MORN1: variants seen among roughly 807,000 people sequenced by gnomAD.
MORN1 encodes the protein MORN repeat-containing protein 1.
A neutral mutation model predicts 61.9 loss-of-function variants in MORN1; 67 were observed. The ratio of observed to expected loss-of-function variants is 1.08; its 90% CI spans 0.89 to 1.33. The LOEUF (loss-of-function observed/expected upper bound fraction) is 1.33, where lower values mean the gene tolerates loss of function less well. Ranked by LOEUF, MORN1 falls within the 40% of genes most tolerant of loss-of-function variation. The probability of loss-of-function intolerance (pLI) is 0.00; values close to 1 mark genes in which losing one functional copy is unlikely to be tolerated. For missense variants in MORN1, 752 were observed against 691.2 expected, an observed-to-expected ratio of 1.09 and a Z score of -0.99; for synonymous variants, 301 against 292.0, an observed-to-expected ratio of 1.03 and a Z score of -0.31.
intron 12 of MORN1, among the ~76,000 whole-genome samples, chr1:2,331,150 A>G (rs1369149165): frequency 6.6e-6 from 1 of 152,086 alleles, no homozygotes; most frequent in African/African-American, 2.4e-5. Flanking sequence ...CCCTCCCACA[A>G]GCTGGGGTTC....
At chr1:2,366,015 G>A (rs1641988905) in intron 8 of MORN1, among the ~76,000 whole-genome samples, 2 of 146,452 alleles carry the variant, frequency 1.4e-5, no homozygotes, top group South Asian at 2.3e-4. Context: ...CTGCTATAAA[G>A]ACACATGCAC....
chr1:2,363,805 C>CAAACAAACA (rs140866260), intron 8 of MORN1, among the ~76,000 whole-genome samples: 2,204 of 124,762 alleles, frequency 0.018, 35 homozygotes, highest in South Asian at 0.075. Context: ...AACAAACAAA[C>CAAACAAACA]AAAAAAATAT....
intron 8 of MORN1, among the ~76,000 whole-genome samples, chr1:2,369,618 A>G (rs1054192182): frequency 6.6e-6 from 1 of 152,176 alleles, no homozygotes; most frequent in Non-Finnish European, 1.5e-5. Context: ...ATATGTAAAA[A>G]TCAATTGTAG....
At position 2,386,026 on chromosome 1, in the gene MORN1, C is replaced by G. The variant is rs985478559; in HGVS notation, c.359-129G>C. On this transcript the variant is annotated intron_variant, in intron 4 of 13. Coordinates refer to ENST00000378531, the MANE Select transcript of MORN1 (RefSeq NM_024848.3). ...AGTCTAGGAGGCATGGGGCTCAGGG[C>G]CCCCCAGGAACATGACAGACCCTCC... 6 of 742,166 alleles carry G rather than the reference C, an allele frequency of 8.1e-6. No homozygotes were observed. In the Admixed American group the frequency reaches 1.2e-4, roughly 15 times the overall value. 46.0% of individuals were successfully genotyped at this position (742,166 alleles called of 1,614,324 possible).
intron 1 of MORN1, among the ~76,000 whole-genome samples, chr1:2,390,229 A>C (rs1053846287): frequency 1.3e-5 from 2 of 152,208 alleles, no homozygotes; most frequent in Non-Finnish European, 2.9e-5. Flanking sequence ...GGTGCAGAGA[A>C]GACAGGCCCA....
rs368058932 is a variant in MORN1, at chr1:2,323,197, C to T, written c.1297+900G>A. 5,158 of 985,386 alleles carry T rather than the reference C, an allele frequency of 5.2e-3. 17 individuals carry two copies. The highest frequency in any genetic ancestry group is 0.013 in the South Asian group (270 of 21,290). 61.0% of individuals were successfully genotyped at this position (985,386 alleles called of 1,614,324 possible). ...TGCTGTGGGACCACGGGGGACACCG[C>T]GTGGCACTCCAGCCGCTCCCGTCAC... On this transcript the variant is annotated intron_variant, in intron 13 of 13. Transcript: ENST00000378531.
chr1:2,371,697 AG>A (rs1642126371), intron 8 of MORN1: 1 of 152,816 alleles, frequency 6.5e-6, no homozygotes, highest in South Asian at 2.0e-4. Flanking sequence ...TGATCACCTG[AG>A]GTCGGGAGTT....
At chr1:2,383,297 C>T (rs1642413213) in intron 6 of MORN1, among the ~76,000 whole-genome samples, 2 of 152,176 alleles carry the variant, frequency 1.3e-5, no homozygotes, top group African/African-American at 4.8e-5. Flanking sequence ...TGTGGAACAC[C>T]CCAGAGTCTG....
chr1:2,330,275 G>A (rs750876465), intron 12 of MORN1, among the ~76,000 whole-genome samples: 4 of 152,194 alleles, frequency 2.6e-5, no homozygotes, highest in Admixed American at 6.5e-5. Context: ...AGCCAACCCC[G>A]ATAGGCCCAG....
At chr1:2,377,049 A>C (rs898693894) in intron 6 of MORN1, 1 of 152,096 alleles carries the variant, frequency 6.6e-6, no homozygotes, top group Admixed American at 6.5e-5. Flanking sequence ...CCCAGCGTGG[A>C]GAGTTACGTG....
chr1:2,336,624 T>TGGGG (rs1641285564), intron 11 of MORN1, 76 bp from the exon 12 acceptor site: 1 of 1,590,488 alleles, frequency 6.3e-7, no homozygotes, highest in African/African-American at 1.3e-5. Flanking sequence ...CCAACCCCCC[T>TGGGG]GGGGCACACA....
chr1:2,323,697 C>T (rs915943004), intron 13 of MORN1: 2 of 985,184 alleles, frequency 2.0e-6, no homozygotes, highest in African/African-American at 3.5e-5. Flanking sequence ...AGCCCAGGCC[C>T]ACCAAGCCCT....
chr1:2,336,998 G>A lies in MORN1; in HGVS notation c.1037-148C>T, dbSNP rs1641294911. ...GCCATCTTGGTGGGGGCAGGTCAGG[G>A]GGCAGGGACTGTCCATCCTGGGTGC... is the stretch of plus-strand genomic sequence containing the variant. On this transcript the variant is annotated intron_variant, in intron 10 of 13. Coordinates refer to ENST00000378531, the MANE Select transcript of MORN1 (RefSeq NM_024848.3). The A allele has an allele frequency of 9.4e-6, 9 of 955,830 alleles. No individual in the cohort carries two copies. The South Asian group carries it at 2.5e-4, about 27-fold the overall frequency. 59.2% of individuals were successfully genotyped at this position (955,830 alleles called of 1,614,324 possible).
chr1:2,358,736 G>T, intron 8 of MORN1, 21 bp from the exon 9 acceptor site: 1 of 1,598,976 alleles, frequency 6.3e-7, no homozygotes, highest in Non-Finnish European at 8.5e-7. Flanking sequence ...AGAGGAGCAG[G>T]CAGTGAACAC....
chr1:2,343,578 C>G (rs1170039052), intron 10 of MORN1, among the ~76,000 whole-genome samples: 1 of 152,166 alleles, frequency 6.6e-6, no homozygotes, highest in Non-Finnish European at 1.5e-5. Context: ...GGCTGCTGTC[C>G]TCAGGGTTCT....
chr1:2,322,744 C>T, intron 13 of MORN1: 10 of 985,462 alleles, frequency 1.0e-5, no homozygotes, highest in Non-Finnish European at 1.1e-5. Context: ...TCCAGCTATA[C>T]CAGTGGTGGC....
At chr1:2,380,270 G>A (rs563681428) in intron 6 of MORN1, among the ~76,000 whole-genome samples, 3 of 152,336 alleles carry the variant, frequency 2.0e-5, no homozygotes, top group South Asian at 2.1e-4. Context: ...GTGGGAAGCT[G>A]ACAAAGTTCT....
intron 12 of MORN1, among the ~76,000 whole-genome samples, chr1:2,328,931 C>A (rs766959893): frequency 6.6e-6 from 1 of 152,202 alleles, no homozygotes; most frequent in Non-Finnish European, 1.5e-5. Context: ...CCTCTGCACC[C>A]GCAGGCATCT....
chr1:2,324,013 A>T (rs939646691), intron 13 of MORN1, 84 bp downstream of exon 13: 4 of 1,472,310 alleles, frequency 2.7e-6, no homozygotes, highest in African/African-American at 1.4e-5. Flanking sequence ...GAGTTCCCCC[A>T]ACCCCACCTC....
Sources: gnomAD v4.1 joint callset for allele counts (sites outside exome capture counted in the v4.1 genomes callset) on GRCh38, gnomAD v4.1.1 for gene constraint, MANE v1.5 for transcripts, NCBI Gene and HGNC (gene_info 2026-07-23, HGNC 2026-07-21) for gene names.